The following CASP6 variants were observed in gnomAD, a reference collection of about 807,000 sequenced individuals.
CASP6 encodes caspase-6.
Under a neutral mutation model 31.8 loss-of-function variants are expected in CASP6, and 20 were observed. The ratio of observed to expected loss-of-function variants is 0.63; its 90% confidence interval spans 0.44 to 0.91. The LOEUF is 0.91. Ranked by LOEUF, CASP6 falls within the 40% of genes least tolerant of loss-of-function variation. CASP6 has a pLI of 0.00. For missense variants in CASP6, 328 were observed against 361.1 expected, an observed-to-expected ratio of 0.91 and a Z score of 0.74; for synonymous variants, 130 against 127.8, an observed-to-expected ratio of 1.02 and a Z score of -0.12.
At chr4:109,703,271 G>A in intron 1 of CASP6, 85 bp downstream of exon 1, 1 of 1,482,600 alleles carries the variant, frequency 6.7e-7, no homozygotes, top group South Asian at 1.2e-5. Context: ...TCCGGTCCGC[G>A]CGCCCGGTCC....
At chr4:109,689,766 C>T (rs1729976753) in intron 6 of CASP6, among the ~76,000 whole-genome samples, 198 bp from the exon 7 acceptor site, 1 of 152,136 alleles carries the variant, frequency 6.6e-6, no homozygotes, top group Admixed American at 6.5e-5. Context: ...GTTTTATATA[C>T]ACGGGGTTAA....
chr4:109,698,192 A>C, intron 2 of CASP6, 108 bp downstream of exon 2: 1 of 1,177,824 alleles, frequency 8.5e-7, no homozygotes, highest in Non-Finnish European at 1.2e-6. Flanking sequence ...AACTTGGCCT[A>C]CTCAGTTTTA....
downstream of CASP6, chr4:109,685,446 T>G: frequency 1.6e-6 from 1 of 634,310 alleles, no homozygotes; most frequent in Non-Finnish European, 2.9e-6. Flanking sequence ...TGGTGGCTCA[T>G]CCTCACAAAT....
chr4:109,696,628 G>T, intron 3 of CASP6, 142 bp from the exon 4 acceptor site: 1 of 572,108 alleles, frequency 1.7e-6, no homozygotes. Flanking sequence ...TAACAATGGT[G>T]GTTTTCCCTT....
At chr4:109,685,050 T>C, downstream of CASP6, 1 of 421,012 alleles carries the variant, frequency 2.4e-6, no homozygotes, top group African/African-American at 2.0e-5. Flanking sequence ...CCAGCTTGCC[T>C]GTTTTTGAAA....
At chr4:109,685,634 C>T (rs1729823412), downstream of CASP6, among the ~76,000 whole-genome samples, 1 of 152,140 alleles carries the variant, frequency 6.6e-6, no homozygotes, top group South Asian at 2.1e-4. Context: ...CACTGGAAAT[C>T]CATTTCTAAG....
chr4:109,698,501 C>T (rs1257403205), intron 1 of CASP6, among the ~76,000 whole-genome samples, 159 bp from the exon 2 acceptor site: 3 of 152,172 alleles, frequency 2.0e-5, no homozygotes, highest in Non-Finnish European at 4.4e-5. Context: ...TGAAGGGAAA[C>T]TGCTTACTAA....
At chr4:109,681,711 C>T in the CASP6 span, among the ~76,000 whole-genome samples, 3 of 152,186 alleles carry the variant, frequency 2.0e-5, no homozygotes, top group Admixed American at 6.5e-5. Flanking sequence ...CGATCTGGAG[C>T]GGCAAAGGGG....
At chr4:109,692,162 T>C (rs553618637) in intron 5 of CASP6, 1 of 152,364 alleles carries the variant, frequency 6.6e-6, no homozygotes, top group East Asian at 1.9e-4. Context: ...TATCCCGTTT[T>C]TATAGGCAGA....
intron 5 of CASP6, among the ~76,000 whole-genome samples, chr4:109,693,455 A>C (rs1730137715): frequency 1.3e-5 from 2 of 152,180 alleles, no homozygotes. Context: ...TGGGAGGCCA[A>C]GGCGGGCAGA....
At chr4:109,669,539 TG>T in the CASP6 span, among the ~76,000 whole-genome samples, 2 of 152,164 alleles carry the variant, frequency 1.3e-5, no homozygotes, top group Non-Finnish European at 2.9e-5. Context: ...CTGAGCTTCC[TG>T]GATCTGTGGT....
downstream of CASP6, among the ~76,000 whole-genome samples, chr4:109,685,985 CA>C (rs2126153520): frequency 6.6e-6 from 1 of 152,260 alleles, no homozygotes; most frequent in African/African-American, 2.4e-5. Flanking sequence ...AATTTCATAA[CA>C]AAAAAGTTTG....
chr4:109,694,725 T>C (rs1345131514), intron 4 of CASP6, 25 bp from the exon 5 acceptor site: 6 of 1,478,518 alleles, frequency 4.1e-6, no homozygotes, highest in Middle Eastern at 3.6e-4. Context: ...AAAGAGAATA[T>C]AGAAATGAAA....
chr4:109,670,608 C>T, the CASP6 span, among the ~76,000 whole-genome samples: 13 of 151,478 alleles, frequency 8.6e-5, no homozygotes, highest in East Asian at 2.1e-3. Context: ...CACAGGTACT[C>T]GGGAGGCTGA....
chr4:109,674,201 A>G, the CASP6 span: 1 of 805,606 alleles, frequency 1.2e-6, no homozygotes, highest in South Asian at 1.3e-5. Context: ...TTATTGTTGG[A>G]AATAAACTAA....
At chr4:109,698,793 A>C (rs1414403790) in intron 1 of CASP6, among the ~76,000 whole-genome samples, 1 of 152,222 alleles carries the variant, frequency 6.6e-6, no homozygotes, top group African/African-American at 2.4e-5. Context: ...AAGAGGTAGA[A>C]GTTTGGGTGG....
At chr4:109,701,461 C>T (rs1730418578) in intron 1 of CASP6, among the ~76,000 whole-genome samples, 1 of 151,780 alleles carries the variant, frequency 6.6e-6, no homozygotes, top group Non-Finnish European at 1.5e-5. Flanking sequence ...CAGAGCCTCC[C>T]TCTGTCGCCC....
At chr4:109,685,825 G>A (rs577239199), downstream of CASP6, among the ~76,000 whole-genome samples, 10 of 152,288 alleles carry the variant, frequency 6.6e-5, no homozygotes, top group East Asian at 3.9e-4. Context: ...ACCATGGTAC[G>A]AACACAAGTT....
chr4:109,683,024 G>A, the CASP6 span: 1 of 275,046 alleles, frequency 3.6e-6, no homozygotes, highest in South Asian at 6.2e-5. Flanking sequence ...CCTCTCCAGA[G>A]ATCAGTCATA....
Sources: gnomAD v4.1 joint callset for allele counts (sites outside exome capture counted in the v4.1 genomes callset) on GRCh38, gnomAD v4.1.1 for gene constraint, MANE v1.5 for transcripts, NCBI Gene and HGNC (gene_info 2026-07-23, HGNC 2026-07-21) for gene names.